The following SGCD variants were observed in gnomAD, a reference collection of about 807,000 sequenced individuals.
The protein encoded by SGCD is sarcoglycan delta, also known as delta-sarcoglycan.
A neutral mutation model predicts 36.6 loss-of-function variants in SGCD; 18 were observed. The observed-to-expected ratio is 0.49, with a 90% CI of 0.34 to 0.73. The LOEUF (loss-of-function observed/expected upper bound fraction) is 0.73, where lower values mean the gene tolerates loss of function less well. SGCD is among the 30% of genes least tolerant of loss of function. The pLI, the probability that SGCD is intolerant of heterozygous loss-of-function variation, is 0.01. For synonymous variants in SGCD, 133 were observed against 130.6 expected, an observed-to-expected ratio of 1.02 and a Z score of -0.12; for missense variants, 387 against 346.7, an observed-to-expected ratio of 1.12 and a Z score of -0.92.
chr5:156,185,267 T>C (rs1008646656), intron 3 of SGCD, among the ~76,000 whole-genome samples: 10 of 145,868 alleles, frequency 6.9e-5, no homozygotes, highest in Non-Finnish European at 5.9e-5. Context: ...CAGGCTGGAG[T>C]GCAGTGGCAC....
intron 3 of SGCD, among the ~76,000 whole-genome samples, chr5:156,208,239 G>A (rs1303496842): frequency 6.6e-6 from 1 of 152,176 alleles, no homozygotes; most frequent in East Asian, 1.9e-4. Context: ...GCCCAGTTTT[G>A]CCTGTCTTCA....
intron 1 of SGCD, among the ~76,000 whole-genome samples, chr5:156,082,859 G>T (rs1255392235): frequency 6.6e-6 from 1 of 151,944 alleles, no homozygotes; most frequent in Non-Finnish European, 1.5e-5. Flanking sequence ...AAGTGGCTGT[G>T]CTATTTTATA....
At chr5:156,537,858 A>T (rs1758185309) in intron 4 of SGCD, among the ~76,000 whole-genome samples, 1 of 150,268 alleles carries the variant, frequency 6.7e-6, no homozygotes, top group African/African-American at 2.4e-5. Flanking sequence ...AAAAAAAAAG[A>T]TGCTAGTGGC....
chr5:156,176,135 G>T (rs73811530), intron 3 of SGCD, among the ~76,000 whole-genome samples: 1 of 147,988 alleles, frequency 6.8e-6, no homozygotes, highest in Non-Finnish European at 1.5e-5. Context: ...GTGTGTGTGT[G>T]TTTGTGTGTG....
intron 1 of SGCD, among the ~76,000 whole-genome samples, chr5:156,022,092 C>T (rs1005161513): frequency 2.6e-5 from 4 of 152,124 alleles, no homozygotes; most frequent in Non-Finnish European, 2.9e-5. Flanking sequence ...ACAGATTTGC[C>T]TATTTTGAAC....
chr5:156,373,690 T>G (rs367583503), intron 3 of SGCD, among the ~76,000 whole-genome samples: 1 of 152,174 alleles, frequency 6.6e-6, no homozygotes, highest in East Asian at 1.9e-4. Context: ...TAAGAGAAAA[T>G]GAACGGATAG....
chr5:155,947,499 G>T (rs1757463653), intron 1 of SGCD, among the ~76,000 whole-genome samples: 1 of 152,052 alleles, frequency 6.6e-6, no homozygotes, highest in African/African-American at 2.4e-5. Context: ...GAAATACCAT[G>T]GTTTTTGGAC....
chr5:155,817,484 A>G, the SGCD span, among the ~76,000 whole-genome samples: 15 of 151,828 alleles, frequency 9.9e-5, no homozygotes, highest in Non-Finnish European at 2.2e-4. Context: ...CTATTTTAAG[A>G]TAGGTTTATT....
At chr5:155,966,426 G>C (rs1561665905) in intron 1 of SGCD, among the ~76,000 whole-genome samples, 1 of 152,138 alleles carries the variant, frequency 6.6e-6, no homozygotes, top group Admixed American at 6.5e-5. Flanking sequence ...TGAAAGGGTT[G>C]ATGCAAGAAA....
At chr5:156,626,063 A>C (rs994347592) in intron 6 of SGCD, among the ~76,000 whole-genome samples, 3 of 152,042 alleles carry the variant, frequency 2.0e-5, no homozygotes, top group African/African-American at 7.2e-5. Context: ...GTTGCTACTG[A>C]CATCTAACGG....
rs11324693 is a variant in SGCD at position 156,202,753 on chromosome 5, C to CT, written c.-44+78753dup. Reference sequence around the variant, plus strand: ...AAACGCAGTGGAGTAGCAGAGGTTCCTTTTTTTTTTTTTTTTTTTCAATTA... The same window carrying CT: ...AAACGCAGTGGAGTAGCAGAGGTTCCTTTTTTTTTTTTTTTTTTTTCAATTA... On this transcript the variant is annotated intron_variant, in intron 3 of 9. Transcript: ENST00000517913. 2.2e-3 allele frequency among the ~76,000 whole-genome samples: 243 copies of CT among 112,232 alleles called. 1 individual carries two copies. The highest frequency in any genetic ancestry group is 4.9e-3 in the Middle Eastern group (1 of 204). 73.6% of individuals were successfully genotyped at this position (112,232 alleles called of 152,430 possible). A position where few individuals can be genotyped will look rare whatever the true frequency, so the allele number is the denominator to read the frequency against.
intron 7 of SGCD, among the ~76,000 whole-genome samples, chr5:156,657,036 ATTTC>A (rs1763711175): frequency 6.6e-6 from 1 of 152,138 alleles, no homozygotes; most frequent in African/African-American, 2.4e-5. Flanking sequence ...AAATGAATTT[ATTTC>A]TTTAATTTTA....
intron 1 of SGCD, among the ~76,000 whole-genome samples, chr5:156,047,635 C>G (rs1201396011): frequency 6.6e-6 from 1 of 152,098 alleles, no homozygotes; most frequent in African/African-American, 2.4e-5. Flanking sequence ...GCTGCTAAGA[C>G]TTACAGCTTG....
At chr5:156,630,447 T>G (rs1014314343) in intron 6 of SGCD, among the ~76,000 whole-genome samples, 3 of 152,184 alleles carry the variant, frequency 2.0e-5, no homozygotes, top group Admixed American at 1.3e-4. Flanking sequence ...AACAATAAAT[T>G]AACATTTATT....
intron 3 of SGCD, among the ~76,000 whole-genome samples, chr5:156,396,440 T>C (rs903643925): frequency 2.6e-5 from 4 of 152,162 alleles, no homozygotes; most frequent in African/African-American, 9.7e-5. Context: ...TGTGTGTTTT[T>C]ATTGTTGCAG....
At chr5:155,814,537 G>A in the SGCD span, among the ~76,000 whole-genome samples, 1 of 152,168 alleles carries the variant, frequency 6.6e-6, no homozygotes. Flanking sequence ...GGCATTCACT[G>A]TGGTAACTTC....
intron 1 of SGCD, among the ~76,000 whole-genome samples, chr5:155,914,768 T>C (rs1756703191): frequency 6.6e-6 from 1 of 152,194 alleles, no homozygotes; most frequent in African/African-American, 2.4e-5. Flanking sequence ...ACATAATTTG[T>C]TTCTTACAAA....
At chr5:156,473,431 G>A (rs1239152720) in intron 3 of SGCD, among the ~76,000 whole-genome samples, 1 of 152,224 alleles carries the variant, frequency 6.6e-6, no homozygotes, top group East Asian at 1.9e-4. Context: ...AGGATAGAGA[G>A]GGACATTGTG....
chr5:156,601,858 A>G (rs756316333), intron 6 of SGCD, among the ~76,000 whole-genome samples: 12 of 150,406 alleles, frequency 8.0e-5, no homozygotes, highest in Non-Finnish European at 1.3e-4. Flanking sequence ...TAATTTTTCT[A>G]TTTTTAGTAG....
Sources: gnomAD v4.1 joint callset for allele counts (sites outside exome capture counted in the v4.1 genomes callset) on GRCh38, gnomAD v4.1.1 for gene constraint, MANE v1.5 for transcripts, NCBI Gene and HGNC (gene_info 2026-07-23, HGNC 2026-07-21) for gene names.